NRG3: variants seen among roughly 807,000 people sequenced by gnomAD.
The protein encoded by NRG3 is neuregulin 3.
Under a neutral mutation model 66.9 loss-of-function variants are expected in NRG3, and 31 were observed. The ratio of observed to expected loss-of-function variants is 0.46; its 90% confidence interval spans 0.35 to 0.63. The LOEUF (loss-of-function observed/expected upper bound fraction) is 0.63. NRG3 is among the 20% of genes least tolerant of loss of function. The pLI is 0.00. For missense variants in NRG3, 910 were observed against 878.9 expected (o/e 1.04, Z -0.45); for synonymous variants, 393 against 359.4 (o/e 1.09, Z -1.06).
intron 1 of NRG3, among the ~76,000 whole-genome samples, chr10:82,325,510 A>G (rs2081823427): frequency 1.3e-5 from 2 of 152,060 alleles, no homozygotes; most frequent in Admixed American, 1.3e-4. Context: ...TGTGTGGTAT[A>G]TCTGTTTTCA....
chr10:82,244,883 A>G (rs1398049994), intron 1 of NRG3, among the ~76,000 whole-genome samples: 1 of 151,854 alleles, frequency 6.6e-6, no homozygotes, highest in Non-Finnish European at 1.5e-5. Flanking sequence ...ACAGATGCCC[A>G]CCACCATGCC....
At chr10:82,471,264 G>A (rs1383183204) in intron 2 of NRG3, among the ~76,000 whole-genome samples, 8 of 152,018 alleles carry the variant, frequency 5.3e-5, no homozygotes, top group African/African-American at 1.5e-4. Context: ...CCTGGAACTC[G>A]AGAGGCCAGG....
At chr10:82,475,385 CCTA>C (rs1841679694) in intron 2 of NRG3, among the ~76,000 whole-genome samples, 1 of 151,884 alleles carries the variant, frequency 6.6e-6, no homozygotes, top group Non-Finnish European at 1.5e-5. Flanking sequence ...AAACATACAA[CCTA>C]CTAAGACTGA....
chr10:82,012,109 C>T (rs1054693768), intron 1 of NRG3, among the ~76,000 whole-genome samples: 3 of 152,206 alleles, frequency 2.0e-5, no homozygotes, highest in Non-Finnish European at 2.9e-5. Flanking sequence ...GCCTGGATAT[C>T]CAGGTATTTC....
chr10:82,573,528 C>T (rs969105740), intron 2 of NRG3, among the ~76,000 whole-genome samples: 2 of 151,700 alleles, frequency 1.3e-5, no homozygotes, highest in Non-Finnish European at 2.9e-5. Context: ...TAAACCTCTC[C>T]GCATAGTATG....
At chr10:82,533,127 T>C (rs1353735860) in intron 2 of NRG3, among the ~76,000 whole-genome samples, 2 of 151,940 alleles carry the variant, frequency 1.3e-5, no homozygotes, top group Non-Finnish European at 2.9e-5. Context: ...ATCAAGACCT[T>C]AGCTCATTCC....
chr10:82,969,394 T>A (rs1228852856), intron 6 of NRG3, among the ~76,000 whole-genome samples: 1 of 152,220 alleles, frequency 6.6e-6, no homozygotes, highest in African/African-American at 2.4e-5. Context: ...CATGGGTACT[T>A]TGCAATACAC....
At chr10:81,947,247 T>C (rs1374142660) in intron 1 of NRG3, among the ~76,000 whole-genome samples, 1 of 152,112 alleles carries the variant, frequency 6.6e-6, no homozygotes, top group Non-Finnish European at 1.5e-5. Flanking sequence ...TTTCCCCTTT[T>C]CATAAGAACA....
At chr10:82,443,088 T>C (rs915232901) in intron 2 of NRG3, among the ~76,000 whole-genome samples, 1 of 152,144 alleles carries the variant, frequency 6.6e-6, no homozygotes, top group African/African-American at 2.4e-5. Context: ...AAGAAAGGGT[T>C]ATAGATCACA....
In NRG3 at chr10:82,824,394, AT is replaced by A. The variant is rs2062090724; in HGVS notation, c.1028-41015del. 2.0e-5 allele frequency among the ~76,000 whole-genome samples: 3 copies of A among 152,184 alleles called. No homozygotes were observed. In the South Asian group the frequency reaches 6.2e-4, roughly 31 times the overall value. ...TCTTCTCTATATACCCAGAGGTGAA[AT>A]TGCTGAGTTATATGGTAGCTTTATG... is the stretch of plus-strand genomic sequence containing the variant. On this transcript the variant is annotated intron_variant, in intron 3 of 8. Coordinates refer to ENST00000372141, the MANE Select transcript of NRG3 (RefSeq NM_001010848.4).
chr10:82,025,412 C>T (rs1460116538), intron 1 of NRG3, among the ~76,000 whole-genome samples: 1 of 151,668 alleles, frequency 6.6e-6, no homozygotes, highest in African/African-American at 2.4e-5. Flanking sequence ...TACTTTGGAA[C>T]ATGAGTAATT....
intron 3 of NRG3, among the ~76,000 whole-genome samples, chr10:82,800,780 G>A (rs2135432524): frequency 6.6e-6 from 1 of 152,286 alleles, no homozygotes; most frequent in South Asian, 2.1e-4. Context: ...ATTTCTAAAT[G>A]TGACTAGGAG....
intron 4 of NRG3, among the ~76,000 whole-genome samples, chr10:82,916,600 A>G (rs1269860429): frequency 6.6e-6 from 1 of 151,868 alleles, no homozygotes; most frequent in Admixed American, 6.6e-5. Flanking sequence ...ATTAAGTACA[A>G]TTGTACAGTA....
chr10:82,416,841 T>C (rs1172711619), intron 2 of NRG3, among the ~76,000 whole-genome samples: 1 of 152,156 alleles, frequency 6.6e-6, no homozygotes, highest in Non-Finnish European at 1.5e-5. Context: ...TTTGGTGGGC[T>C]GTGTAATATT....
rs533083197 is a variant in NRG3, at chr10:82,741,292, C to T, written c.1027+2642C>T. ...AACAGGATTTAGGCCCTGAGGATCCCGCAGATTAGTGAGGGGGAAAAACAT... is the reference window on the plus strand; with the variant it reads ...AACAGGATTTAGGCCCTGAGGATCCTGCAGATTAGTGAGGGGGAAAAACAT... On this transcript the variant is annotated intron_variant, in intron 3 of 8. Coordinates refer to ENST00000372141, the MANE Select transcript of NRG3 (RefSeq NM_001010848.4). Among the ~76,000 whole-genome samples, 10 of 152,016 alleles carry T rather than the reference C, an allele frequency of 6.6e-5. No homozygotes were observed. In the South Asian group the frequency reaches 8.3e-4, roughly 13 times the overall value.
At chr10:82,167,271 G>A (rs186515853) in intron 1 of NRG3, among the ~76,000 whole-genome samples, 4 of 151,886 alleles carry the variant, frequency 2.6e-5, no homozygotes, top group Admixed American at 2.0e-4. Context: ...TTTTATTCTG[G>A]CATGCAATTA....
chr10:82,517,970 G>A (rs1005033022), intron 2 of NRG3, among the ~76,000 whole-genome samples: 2 of 152,144 alleles, frequency 1.3e-5, no homozygotes, highest in African/African-American at 4.8e-5. Flanking sequence ...CAGGGACTCT[G>A]TCCTATGGGA....
chr10:82,526,530 TA>T (rs1367908108), intron 2 of NRG3, among the ~76,000 whole-genome samples: 1 of 151,600 alleles, frequency 6.6e-6, no homozygotes, highest in Non-Finnish European at 1.5e-5. Context: ...AATGAAAGAA[TA>T]AAAATGAAAA....
intron 1 of NRG3, among the ~76,000 whole-genome samples, chr10:82,272,385 T>C (rs1478182795): frequency 6.6e-6 from 1 of 152,008 alleles, no homozygotes; most frequent in Non-Finnish European, 1.5e-5. Flanking sequence ...TGGAGGGTGC[T>C]GGAAGTCACC....
Sources: allele counts gnomAD v4.1 joint callset (sites outside exome capture counted in the v4.1 genomes callset), GRCh38; gene constraint gnomAD v4.1.1; transcripts MANE v1.5; gene names NCBI Gene and HGNC (gene_info 2026-07-23, HGNC 2026-07-21).